CNTNAP2: variants seen among roughly 807,000 people sequenced by gnomAD.
The protein encoded by CNTNAP2 is contactin associated protein 2.
A neutral mutation model predicts 155.2 loss-of-function variants in CNTNAP2; 98 were observed. The observed-to-expected ratio is 0.63, with a 90% CI of 0.54 to 0.75. The LOEUF (loss-of-function observed/expected upper bound fraction) is 0.75, where lower values mean the gene tolerates loss of function less well. Ranked by LOEUF, CNTNAP2 falls within the 30% of genes least tolerant of loss-of-function variation. The pLI, the probability that CNTNAP2 is intolerant of heterozygous loss-of-function variation, is 0.00. For synonymous variants in CNTNAP2, 651 were observed against 631.2 expected, an observed-to-expected ratio of 1.03 and a Z score of -0.47; for missense variants, 1,727 against 1,688.1, an observed-to-expected ratio of 1.02 and a Z score of -0.40.
chr7:146,158,517 A>C (rs962378602), intron 1 of CNTNAP2, among the ~76,000 whole-genome samples: 1 of 152,240 alleles, frequency 6.6e-6, no homozygotes, highest in South Asian at 2.1e-4. Flanking sequence ...CGAATGGCTA[A>C]CTAGAATAAA....
At chr7:147,445,026 T>C (rs994618351) in intron 10 of CNTNAP2, among the ~76,000 whole-genome samples, 3 of 152,072 alleles carry the variant, frequency 2.0e-5, no homozygotes, top group African/African-American at 7.2e-5. Context: ...ACCAGATCTC[T>C]TGAGAACTCT....
intron 1 of CNTNAP2, among the ~76,000 whole-genome samples, chr7:146,437,356 C>A (rs371171662): frequency 6.6e-6 from 1 of 151,340 alleles, no homozygotes; most frequent in African/African-American, 2.5e-5. Flanking sequence ...ATAAGCATAG[C>A]TCATGTATGT....
At chr7:147,425,860 C>T (rs1425521764) in intron 10 of CNTNAP2, among the ~76,000 whole-genome samples, 1 of 152,084 alleles carries the variant, frequency 6.6e-6, no homozygotes, top group Non-Finnish European at 1.5e-5. Flanking sequence ...CCATCTGAAG[C>T]TTCTGATGCA....
intron 22 of CNTNAP2, among the ~76,000 whole-genome samples, chr7:148,395,119 A>ACCC (rs139844217): frequency 6.1e-4 from 74 of 120,694 alleles, no homozygotes; most frequent in African/African-American, 2.1e-3. Flanking sequence ...GTTTCTGTTG[A>ACCC]CCCCCCCCCC....
chr7:146,382,390 T>C (rs1044502035), intron 1 of CNTNAP2, among the ~76,000 whole-genome samples: 17 of 152,194 alleles, frequency 1.1e-4, no homozygotes, highest in Admixed American at 1.1e-3. Flanking sequence ...GGGGAAAGCA[T>C]TGATTTGCTG....
At chr7:148,019,415 CTTG>C (rs1802238355) in intron 15 of CNTNAP2, among the ~76,000 whole-genome samples, 1 of 152,042 alleles carries the variant, frequency 6.6e-6, no homozygotes, top group Admixed American at 6.6e-5. Context: ...TCTTCAGTTC[CTTG>C]TTGTAATCTC....
At chr7:147,401,364 A>G (rs1220211450) in intron 10 of CNTNAP2, among the ~76,000 whole-genome samples, 2 of 152,206 alleles carry the variant, frequency 1.3e-5, no homozygotes, top group Non-Finnish European at 2.9e-5. Context: ...AGTCTTCATT[A>G]TATTTTTGGA....
intron 5 of CNTNAP2, among the ~76,000 whole-genome samples, chr7:147,115,674 C>T (rs2129281441): frequency 6.6e-6 from 1 of 152,160 alleles, no homozygotes; most frequent in South Asian, 2.1e-4. Flanking sequence ...CAATTATATT[C>T]CTCTCTAACC....
chr7:147,282,069 G>A (rs754627404), intron 8 of CNTNAP2, among the ~76,000 whole-genome samples: 34 of 151,880 alleles, frequency 2.2e-4, no homozygotes, highest in Admixed American at 1.4e-3. Flanking sequence ...TCGCTCATCC[G>A]GCTTACTGTT....
rs78879163 is a variant in CNTNAP2 at position 147,022,713 on chromosome 7, C to T, written c.403-21194C>T. On this transcript the variant is annotated intron_variant, in intron 3 of 23. Transcript: ENST00000361727. Reference sequence around the variant, plus strand: ...ACACACAATAAACTTGTTTATTGTTCTATCTATAACAAAATATTTAAACTA... The same window carrying T: ...ACACACAATAAACTTGTTTATTGTTTTATCTATAACAAAATATTTAAACTA... Among the ~76,000 whole-genome samples, 1,076 of 150,594 alleles carry T rather than the reference C, an allele frequency of 7.1e-3. 10 individuals are homozygous for T. Among genetic ancestry groups the T allele is most frequent in the Non-Finnish European group, 0.011 (723 of 67,748 alleles).
chr7:146,602,288 T>C (rs1798962566), intron 1 of CNTNAP2, among the ~76,000 whole-genome samples: 1 of 152,076 alleles, frequency 6.6e-6, no homozygotes, highest in South Asian at 2.1e-4. Context: ...AGTAGGAGAG[T>C]AACTTGAGTG....
chr7:146,568,132 T>C (rs1563138307), intron 1 of CNTNAP2, among the ~76,000 whole-genome samples: 1 of 152,108 alleles, frequency 6.6e-6, no homozygotes, highest in Non-Finnish European at 1.5e-5. Flanking sequence ...GATCCACCCA[T>C]GTCAAGCAGA....
At chr7:148,267,817 T>G (rs1178820229) in intron 21 of CNTNAP2, among the ~76,000 whole-genome samples, 1 of 152,208 alleles carries the variant, frequency 6.6e-6, no homozygotes, top group Non-Finnish European at 1.5e-5. Flanking sequence ...TATGTAGAAT[T>G]TGGTCTATTA....
intron 1 of CNTNAP2, among the ~76,000 whole-genome samples, chr7:146,200,655 A>G: frequency 6.6e-6 from 1 of 152,152 alleles, no homozygotes; most frequent in Non-Finnish European, 1.5e-5. Context: ...ACATGTACCA[A>G]TGTATAGCCT....
intron 18 of CNTNAP2, among the ~76,000 whole-genome samples, chr7:148,214,487 G>C (rs1423721901): frequency 6.6e-6 from 1 of 152,252 alleles, no homozygotes; most frequent in Non-Finnish European, 1.5e-5. Flanking sequence ...GCAGCAATGA[G>C]CATGGATTAA....
chr7:146,787,175 T>C (rs1802587763), intron 2 of CNTNAP2, among the ~76,000 whole-genome samples: 1 of 152,176 alleles, frequency 6.6e-6, no homozygotes, highest in African/African-American at 2.4e-5. Context: ...TGAAAAGTAT[T>C]GTTGACTTCC....
At chr7:146,465,653 G>A (rs1796706663) in intron 1 of CNTNAP2, among the ~76,000 whole-genome samples, 1 of 152,136 alleles carries the variant, frequency 6.6e-6, no homozygotes, top group Admixed American at 6.6e-5. Context: ...AGCTTCTGGA[G>A]AGGCATTTAA....
chr7:146,932,176 CA>C (rs1796775718), intron 3 of CNTNAP2, among the ~76,000 whole-genome samples: 1 of 152,126 alleles, frequency 6.6e-6, no homozygotes, highest in Admixed American at 6.5e-5. Flanking sequence ...AACACTGATG[CA>C]AAAATCCTCA....
chr7:148,187,581 T>C (rs1795140389), intron 18 of CNTNAP2, among the ~76,000 whole-genome samples: 2 of 152,164 alleles, frequency 1.3e-5, no homozygotes, highest in Admixed American at 1.3e-4. Flanking sequence ...AAACTCGACA[T>C]CTATTTCTAT....
Sources: gnomAD v4.1 joint callset for allele counts (sites outside exome capture counted in the v4.1 genomes callset) on GRCh38, gnomAD v4.1.1 for gene constraint, MANE v1.5 for transcripts, NCBI Gene and HGNC (gene_info 2026-07-23, HGNC 2026-07-21) for gene names.